Variants in PRKAG2 observed in about 807,000 individuals in gnomAD.
PRKAG2 encodes 5'-AMP-activated protein kinase subunit gamma-2.
A neutral mutation model predicts 69.6 loss-of-function variants in PRKAG2; 26 were observed. The ratio of observed to expected loss-of-function variants is 0.37; its 90% CI spans 0.27 to 0.52. The LOEUF (loss-of-function observed/expected upper bound fraction) is 0.52. Among genes scored for constraint, PRKAG2 ranks in the 20% least tolerant of loss-of-function variants. The pLI is 0.90. For missense variants in PRKAG2, 557 were observed against 740.0 expected (o/e 0.75, Z 2.87); for synonymous variants, 293 against 285.0 (o/e 1.03, Z -0.28).
chr7:151,563,302 T>C (rs1805507078), intron 14 of PRKAG2, among the ~76,000 whole-genome samples: 1 of 152,176 alleles, frequency 6.6e-6, no homozygotes, highest in South Asian at 2.1e-4. Flanking sequence ...ATTTAGGGTG[T>C]TACACAAAGT....
intron 5 of PRKAG2, among the ~76,000 whole-genome samples, chr7:151,616,094 G>C (rs1451538441): frequency 6.6e-6 from 1 of 152,204 alleles, no homozygotes; most frequent in Non-Finnish European, 1.5e-5. Context: ...CTGGTCAGAG[G>C]GTTCATTTTA....
chr7:151,736,178 T>C (rs1799767592), intron 3 of PRKAG2: 2 of 1,426,646 alleles, frequency 1.4e-6, no homozygotes, highest in East Asian at 2.5e-5. Context: ...CCAGGGGGTC[T>C]TCAGGGCGAC....
intron 1 of PRKAG2, among the ~76,000 whole-genome samples, chr7:151,803,521 C>G (rs1052707939): frequency 6.6e-6 from 1 of 152,178 alleles, no homozygotes; most frequent in Non-Finnish European, 1.5e-5. Flanking sequence ...TCTTCAAAAA[C>G]TAGCTGATTC....
intron 1 of PRKAG2, among the ~76,000 whole-genome samples, chr7:151,791,337 G>A (rs2077265542): frequency 6.6e-6 from 1 of 152,192 alleles, no homozygotes; most frequent in African/African-American, 2.4e-5. Context: ...GAAGGCCCAG[G>A]CTCCTGGATG....
At chr7:151,790,176 G>A (rs2077209196) in intron 1 of PRKAG2, among the ~76,000 whole-genome samples, 2 of 152,058 alleles carry the variant, frequency 1.3e-5, no homozygotes, top group Non-Finnish European at 2.9e-5. Flanking sequence ...AATCACCCTG[G>A]TGCCATTCAC....
chr7:151,794,701 C>T lies in PRKAG2; in HGVS notation c.115-8160G>A, dbSNP rs574269890. Among the ~76,000 whole-genome samples, 4 of 152,360 alleles carry T rather than the reference C, an allele frequency of 2.6e-5. No homozygotes were observed. The South Asian group carries it at 8.3e-4, about 32-fold the overall frequency. ...CTTCTGCAAAGACACTGGCTGTCCC[C>T]CTTATAATTAGAGAGCTGTCTTTAT... On this transcript the variant is annotated intron_variant, in intron 1 of 15. Transcript: ENST00000287878.
Position 151,780,742 on chromosome 7 carries a change from G to A in PRKAG2, c.466+410C>T, listed in dbSNP as rs1390444728. Among the ~76,000 whole-genome samples, 4 of 152,234 alleles carry A rather than the reference G, an allele frequency of 2.6e-5. No individual in the cohort carries two copies. The highest frequency in any genetic ancestry group is 5.9e-5 in the Non-Finnish European group (4 of 68,040). On this transcript the variant is annotated intron_variant, in intron 3 of 15. Coordinates refer to ENST00000287878, the MANE Select transcript of PRKAG2 (RefSeq NM_016203.4). This position sits in a 1 kb window ranked among gnomAD's most constrained non-coding sequence, Gnocchi z 4.2. ...AAATACCAAACCACAGAGAGTGGAA[G>A]CCATATCAGGCTGACCAAAGCAGTA...
At position 151,557,218 on chromosome 7, in the gene PRKAG2, C is replaced by G. The variant is rs763331532; in HGVS notation, c.1693G>C (p.Glu565Gln). ...CACGGCGGTCACTCCGTTTCTGTCT[C>G]CTTTTGTTTGGCACCTGTCAGTGGA... ...ILTPAGAKQK[E>Q]TETE Residue 565 changes from glutamate (E) to glutamine (Q), a missense_variant, in exon 16 of 16, where the codon GAG becomes CAG. Physicochemically the swap from Glu to Gln is conservative, Grantham distance 29. Around this residue, in one of 2 missense-constraint regions of PRKAG2, gnomAD observed 205 missense variants for 383.4 expected, o/e 0.53. Coordinates refer to ENST00000287878, the MANE Select transcript of PRKAG2 (RefSeq NM_016203.4). 7.4e-6 allele frequency: 12 copies of G among 1,614,004 alleles called. No homozygotes were observed. Among genetic ancestry groups the G allele is most frequent in the Non-Finnish European group, 9.3e-6 (11 of 1,180,016 alleles).
intron 6 of PRKAG2, among the ~76,000 whole-genome samples, chr7:151,586,267 C>T (rs1046121562): frequency 4.6e-5 from 7 of 152,288 alleles, no homozygotes; most frequent in African/African-American, 1.2e-4. Flanking sequence ...GGAATCCAGA[C>T]GTGCCTGTCA....
In PRKAG2 at chr7:151,597,098, T is replaced by A. The variant is rs74498648; in HGVS notation, c.755-1644A>T. On this transcript the variant is annotated intron_variant, in intron 5 of 15. Transcript: ENST00000287878. ...AAAACAGACACACAGACAAAGAGAA[T>A]TAGAAAGCCCAGAAATAAATCCACA... is the stretch of plus-strand genomic sequence containing the variant. Among the ~76,000 whole-genome samples, 1,451 of 152,166 alleles carry A rather than the reference T, an allele frequency of 9.5e-3. 32 individuals are homozygous for A. Among genetic ancestry groups the A allele is most frequent in the African/African-American group, 0.032 (1,320 of 41,520 alleles).
At chr7:151,773,023 AAGAGAGAGAG>A (rs1163334410) in intron 3 of PRKAG2, among the ~76,000 whole-genome samples, 4 of 55,056 alleles carry the variant, frequency 7.3e-5, no homozygotes, top group African/African-American at 3.1e-4. Flanking sequence ...GAAAGAAAGA[AAGAGAGAGAG>A]AGAGAGAGAG....
intron 3 of PRKAG2, among the ~76,000 whole-genome samples, chr7:151,769,748 T>C (rs1586401523): frequency 6.6e-6 from 1 of 151,902 alleles, no homozygotes. Flanking sequence ...TCTGGGGAGG[T>C]GTGGCGGAAA....
At chr7:151,853,377 T>A (rs991551456) in intron 1 of PRKAG2, among the ~76,000 whole-genome samples, 1 of 152,198 alleles carries the variant, frequency 6.6e-6, no homozygotes, top group African/African-American at 2.4e-5. Context: ...AAAAATAATT[T>A]ACGTATATGT....
chr7:151,615,986 A>T (rs1820037734), intron 5 of PRKAG2, among the ~76,000 whole-genome samples: 2 of 152,212 alleles, frequency 1.3e-5, no homozygotes, highest in South Asian at 4.1e-4. Flanking sequence ...GCCTCTGTGT[A>T]CAGAAGAGAG....
intron 1 of PRKAG2, among the ~76,000 whole-genome samples, chr7:151,852,211 T>G (rs1055500297): frequency 1.3e-5 from 2 of 152,166 alleles, no homozygotes; most frequent in African/African-American, 4.8e-5. Context: ...CTCAAGAATG[T>G]AAGCCCTGGC....
rs138917476 is a variant in PRKAG2 at position 151,852,660 on chromosome 7, C to T, written c.114+23847G>A. Among the ~76,000 whole-genome samples, 256 of 152,148 alleles carry T rather than the reference C, an allele frequency of 1.7e-3. 1 individual carries two copies. Among genetic ancestry groups the T allele is most frequent in the African/African-American group, 6.0e-3 (250 of 41,496 alleles). ...GCTGAGACCATATGAAGAACCGCCCCAGGACCACAGAGATGCCAACCCCAC... is the reference window on the plus strand; with the variant it reads ...GCTGAGACCATATGAAGAACCGCCCTAGGACCACAGAGATGCCAACCCCAC... On this transcript the variant is annotated intron_variant, in intron 1 of 15. Coordinates refer to ENST00000287878, the MANE Select transcript of PRKAG2 (RefSeq NM_016203.4).
intron 1 of PRKAG2, among the ~76,000 whole-genome samples, chr7:151,870,796 C>T (rs2151913946): frequency 6.6e-6 from 1 of 152,210 alleles, no homozygotes; most frequent in East Asian, 1.9e-4. Context: ...TCCCTTGAGG[C>T]CACGCGGCGG....
intron 3 of PRKAG2, among the ~76,000 whole-genome samples, chr7:151,723,067 T>C (rs552667483): frequency 6.6e-6 from 1 of 152,188 alleles, no homozygotes; most frequent in Non-Finnish European, 1.5e-5. Context: ...CTAGTCACCA[T>C]CTCTTTCTGT....
In PRKAG2 at chr7:151,560,220, T is replaced by C. The variant is rs777777688; in HGVS notation, c.1678+304A>G. ...TCACTAGTTCTCTCACAAAGCACAA[T>C]TGAAGAGGTCTTTTCAGTGGAAAAG... On this transcript the variant is annotated intron_variant, in intron 15 of 15. Coordinates refer to ENST00000287878, the MANE Select transcript of PRKAG2 (RefSeq NM_016203.4). 136 of 1,248,048 alleles carry C rather than the reference T, an allele frequency of 1.1e-4. 1 individual carries two copies. The highest frequency in any genetic ancestry group is 3.3e-4 in the Middle Eastern group (1 of 3,010). The allele number at this position is 1,248,048 out of a possible 1,614,324, so 77.3% of individuals were successfully genotyped here.
Sources: gnomAD v4.1 joint callset for allele counts (sites outside exome capture counted in the v4.1 genomes callset) on GRCh38, gnomAD v4.1.1 for gene constraint, gnomAD v4.1.1 regional missense constraint, Gnocchi (gnomAD v3.1) non-coding constraint, MANE v1.5 for transcripts, NCBI Gene and HGNC (gene_info 2026-07-23, HGNC 2026-07-21) for gene names.